CDH23: variants seen among roughly 807,000 people sequenced by gnomAD.
CDH23 encodes the protein cadherin related 23, also known as cadherin-23.
A neutral mutation model predicts 317.1 loss-of-function variants in CDH23; 189 were observed. That is an observed-to-expected ratio of 0.60 (90% CI 0.53 to 0.67). The LOEUF is 0.67. Ranked by LOEUF, CDH23 falls within the 30% of genes least tolerant of loss-of-function variation. The pLI, the probability that CDH23 is intolerant of heterozygous loss-of-function variation, is 0.00. For synonymous variants in CDH23, 1,839 were observed against 1,876.8 expected (o/e 0.98, Z 0.52); for missense variants, 4,401 against 4,592.4 (o/e 0.96, Z 1.20).
chr10:71,660,391 G>C (rs1589306041), intron 14 of CDH23, among the ~76,000 whole-genome samples: 1 of 152,266 alleles, frequency 6.6e-6, no homozygotes, highest in East Asian at 1.9e-4. Context: ...GCAGTATACA[G>C]ATGACCAGCC....
chr10:71,510,947 C>T lies in CDH23; in HGVS notation c.289-7C>T. 6.2e-7 allele frequency: 1 copy of T among 1,613,922 alleles called. No individual in the cohort carries two copies. Among genetic ancestry groups the T allele is most frequent in the Non-Finnish European group, 8.5e-7 (1 of 1,179,842 alleles). On this transcript the variant is annotated splice_region_variant and splice_polypyrimidine_tract_variant and intron_variant, in intron 4 of 69. Coordinates refer to ENST00000224721, the MANE Select transcript of CDH23 (RefSeq NM_022124.6). ...CTGCCCCCCTCCCTCTCTCACTTTT[C>T]TTTCAGACCAAGTCAGAGTTCACCG...
At chr10:71,752,874 G>A (rs1443131179) in intron 38 of CDH23, 1 of 1,385,628 alleles carries the variant, frequency 7.2e-7, no homozygotes, top group Non-Finnish European at 9.9e-7. Flanking sequence ...CTTCTGACCA[G>A]CTGCTCTAGG....
Position 71,645,849 on chromosome 10 carries a change from G to C in CDH23, c.1159G>C (p.Glu387Gln). ...GACCCAGGGCCTGAACAGCATGTTT[G>C]AGGTGTACTTGGTGGGGAACAACTC... is the stretch of plus-strand genomic sequence containing the variant. ...DENLGLNSMF[E>Q]VYLVGNNSHH... Residue 387 changes from glutamate to glutamine, a missense_variant, in exon 13 of 70, where the codon GAG (glutamate) becomes CAG (glutamine). Glu to Gln is a conservative substitution (Grantham distance 29). Coordinates refer to ENST00000224721, the MANE Select transcript of CDH23 (RefSeq NM_022124.6). The C allele has an allele frequency of 6.2e-7, 1 of 1,611,924 alleles. No individual in the cohort carries two copies. Among genetic ancestry groups the C allele is most frequent in the South Asian group, 1.1e-5 (1 of 90,960 alleles).
At chr10:71,684,152 G>A (rs1864776380) in intron 18 of CDH23, among the ~76,000 whole-genome samples, 1 of 150,600 alleles carries the variant, frequency 6.6e-6, no homozygotes, top group Non-Finnish European at 1.5e-5. Flanking sequence ...CTCCCACCTA[G>A]AAACACCGAG....
rs548155480 is a variant in CDH23 at position 71,450,231 on chromosome 10, G to C, written c.145+3836G>C. On this transcript the variant is annotated intron_variant, in intron 3 of 69. Coordinates refer to ENST00000224721, the MANE Select transcript of CDH23 (RefSeq NM_022124.6). ...AGCATGAGGGACAGGTGCTGCAGGGGTGCTGTCTCCCACTTAACCTCCTGA... is the reference window on the plus strand; with the variant it reads ...AGCATGAGGGACAGGTGCTGCAGGGCTGCTGTCTCCCACTTAACCTCCTGA... Among the ~76,000 whole-genome samples, 4 of 151,900 alleles carry C rather than the reference G, an allele frequency of 2.6e-5. No homozygotes were observed. The South Asian group carries it at 8.4e-4, about 32-fold the overall frequency.
chr10:71,520,071 G>C (rs1355615949), intron 6 of CDH23, among the ~76,000 whole-genome samples: 1 of 152,218 alleles, frequency 6.6e-6, no homozygotes, highest in African/African-American at 2.4e-5. Flanking sequence ...GCTTCCTAAA[G>C]TGCTGGGATC....
In CDH23 at chr10:71,495,820, AAAAGAAAG is replaced by A. The variant is rs550566369; in HGVS notation, c.146-14247_146-14240del. 4.8e-3 allele frequency among the ~76,000 whole-genome samples: 706 copies of A among 147,366 alleles called. 1 individual carries two copies. The highest frequency in any genetic ancestry group is 7.6e-3 in the Non-Finnish European group (514 of 67,848). ...GTGACAGAGGTTTTGGAAAAAAAAA[AAAAGAAAG>A]AAAGAAAGAAAGAAGGAAAGAAAGA... On this transcript the variant is annotated intron_variant, in intron 3 of 69. Coordinates refer to ENST00000224721, the MANE Select transcript of CDH23 (RefSeq NM_022124.6).
chr10:71,626,690 G>A (rs1004068406), intron 11 of CDH23, among the ~76,000 whole-genome samples: 1 of 152,176 alleles, frequency 6.6e-6, no homozygotes, highest in Non-Finnish European at 1.5e-5. Context: ...GAGAGGTGAG[G>A]GAAAGAAGGG....
chr10:71,483,454 C>T (rs937379121), intron 3 of CDH23, among the ~76,000 whole-genome samples: 7 of 152,196 alleles, frequency 4.6e-5, no homozygotes, highest in South Asian at 2.1e-4. Context: ...GTCTCAACCC[C>T]GCCCCTCATC....
chr10:71,627,412 C>T (rs971404594), intron 11 of CDH23, among the ~76,000 whole-genome samples: 2 of 152,120 alleles, frequency 1.3e-5, no homozygotes, highest in Non-Finnish European at 2.9e-5. Context: ...TTTTTCTGTC[C>T]ATGGCCGCAT....
chr10:71,815,377 G>A lies in CDH23; in HGVS notation c.*99G>A, dbSNP rs1477939119. On this transcript the variant is annotated 3_prime_UTR_variant, in exon 70 of 70. Coordinates refer to ENST00000224721, the MANE Select transcript of CDH23 (RefSeq NM_022124.6). ...GGGCCGGTCGGGGGGGACCCTCCAA[G>A]GCCAGGCCTTGGGGACAACCTTGGC... 9 of 1,201,420 alleles carry A rather than the reference G, an allele frequency of 7.5e-6. No homozygotes were observed. The highest frequency in any genetic ancestry group is 1.0e-5 in the Non-Finnish European group (9 of 881,086). The allele number at this position is 1,201,420 out of a possible 1,614,324, so 74.4% of individuals were successfully genotyped here.
At chr10:71,575,771 CA>C (rs918428793) in intron 8 of CDH23, among the ~76,000 whole-genome samples, 31 of 152,378 alleles carry the variant, frequency 2.0e-4, no homozygotes, top group African/African-American at 7.2e-4. Flanking sequence ...AAATAAGTTT[CA>C]GTATATTGAA....
rs1251698840 is a variant in CDH23, at chr10:71,615,520, C to A, written c.849C>A (p.Ile283=). 1.4e-5 allele frequency: 22 copies of A among 1,613,458 alleles called. No individual in the cohort carries two copies. The highest frequency in any genetic ancestry group is 1.9e-5 in the Non-Finnish European group (22 of 1,179,656). Residue 283 remains isoleucine (I), a synonymous_variant, in exon 10 of 70, where the codon ATC becomes ATA. Transcript: ENST00000224721. ...CTCTTGCAGGGAATACCAACAGCAT[C>A]TTTGCCCTGGACTACATCAGCGGAG... ...YTIVSGNTNS[I]FALDYISGVL...
At chr10:71,576,128 A>G (rs1858178717) in intron 8 of CDH23, among the ~76,000 whole-genome samples, 1 of 152,174 alleles carries the variant, frequency 6.6e-6, no homozygotes, top group African/African-American at 2.4e-5. Context: ...CTGAGGACTG[A>G]GGGCACTTTT....
At chr10:71,554,493 C>T (rs1336885732) in intron 6 of CDH23, among the ~76,000 whole-genome samples, 2 of 151,966 alleles carry the variant, frequency 1.3e-5, no homozygotes, top group Non-Finnish European at 2.9e-5. Context: ...AAAAAAATTC[C>T]AGGAGACTCC....
chr10:71,690,798 G>A (rs573495639), intron 20 of CDH23, among the ~76,000 whole-genome samples: 8 of 152,348 alleles, frequency 5.3e-5, no homozygotes, highest in South Asian at 2.1e-4. Context: ...AGTGAAGGAC[G>A]TCTTTCAAGG....
chr10:71,561,632 A>C (rs991630352), intron 6 of CDH23, among the ~76,000 whole-genome samples: 2 of 152,340 alleles, frequency 1.3e-5, no homozygotes, highest in Middle Eastern at 6.8e-3. Context: ...CAGCAGGTCC[A>C]TCAGAAGTGA....
chr10:71,511,941 G>A (rs776379252), intron 6 of CDH23: 1 of 152,574 alleles, frequency 6.6e-6, no homozygotes, highest in Non-Finnish European at 1.5e-5. Context: ...GGTGTCCCTC[G>A]GGCCTGCCCT....
chr10:71,598,086 C>T (rs935726008), intron 9 of CDH23, among the ~76,000 whole-genome samples: 1 of 152,246 alleles, frequency 6.6e-6, no homozygotes, highest in African/African-American at 2.4e-5. Flanking sequence ...CTGGCTCCTT[C>T]CTGAGGCTCC....
Sources: gnomAD v4.1 joint callset for allele counts (sites outside exome capture counted in the v4.1 genomes callset) on GRCh38, gnomAD v4.1.1 for gene constraint, MANE v1.5 for transcripts, NCBI Gene and HGNC (gene_info 2026-07-23, HGNC 2026-07-21) for gene names.